XRN1: variants seen among roughly 807,000 people sequenced by gnomAD.
XRN1 encodes 5'-3' exoribonuclease 1.
In XRN1, 67 loss-of-function variants were observed where a neutral mutation model predicts 222.3. The observed-to-expected ratio is 0.30, with a 90% confidence interval of 0.25 to 0.37. XRN1 has a LOEUF of 0.37. Ranked by LOEUF, XRN1 falls within the 10% of genes least tolerant of loss-of-function variation. The pLI is 1.00. For synonymous variants in XRN1, 643 were observed against 652.4 expected (o/e 0.99, Z 0.22); for missense variants, 1,707 against 2,000.2 (o/e 0.85, Z 2.80).
chr3:142,418,079 C>T (rs2068856138), intron 12 of XRN1: 1 of 166,112 alleles, frequency 6.0e-6, no homozygotes, highest in African/African-American at 2.4e-5. Flanking sequence ...TAATAATGTA[C>T]TATAAGCATC....
At chr3:142,427,524 T>G (rs79673056) in intron 2 of XRN1, among the ~76,000 whole-genome samples, 4,539 of 152,292 alleles carry the variant, frequency 0.03, 106 homozygotes, top group Non-Finnish European at 0.043. Context: ...TTTAATGATC[T>G]TAATCATCAT....
At chr3:142,430,803 C>G (rs1325896449) in intron 2 of XRN1, among the ~76,000 whole-genome samples, 1 of 152,210 alleles carries the variant, frequency 6.6e-6, no homozygotes, top group African/African-American at 2.4e-5. Context: ...TACCCATGAA[C>G]CGGGACACAG....
At chr3:142,329,639 T>C in intron 36 of XRN1, 24 bp from the exon 37 acceptor site, 1 of 1,519,912 alleles carries the variant, frequency 6.6e-7, no homozygotes, top group Non-Finnish European at 8.7e-7. Flanking sequence ...GAAAAGAGTC[T>C]ATCTTTATTA....
At chr3:142,336,613 G>A (rs557579330) in intron 33 of XRN1, among the ~76,000 whole-genome samples, 1 of 151,286 alleles carries the variant, frequency 6.6e-6, no homozygotes, top group African/African-American at 2.4e-5. Flanking sequence ...AATAGAGAGA[G>A]AGGAAAAGAG....
intron 39 of XRN1, chr3:142,313,299 T>G (rs1372691742): frequency 9.2e-7 from 1 of 1,085,490 alleles, no homozygotes; most frequent in Non-Finnish European, 1.4e-6. Context: ...GTTTGTTTAT[T>G]AAAAATGTAA....
Position 142,311,246 on chromosome 3 carries a change from T to C in XRN1, c.*265A>G. ...GTCCACTGATACTGTGATATTATTT[T>C]AATGCAAGGTTTAATTTAGTTTTTT... On this transcript the variant is annotated 3_prime_UTR_variant, in exon 41 of 41. Coordinates refer to ENST00000392981, the MANE Select transcript of XRN1 (RefSeq NM_001282857.2). 3.8e-6 allele frequency: 1 copy of C among 261,726 alleles called. No homozygotes were observed. The allele number at this position is 261,726 out of a possible 1,614,324, so 16.2% of individuals were successfully genotyped here. A position where few individuals can be genotyped will look rare whatever the true frequency, so the allele number is the denominator to read the frequency against.
In XRN1 at chr3:142,318,708, T is replaced by TA. The variant is rs771823041; in HGVS notation, c.4519-15dup. 1 of 1,610,286 alleles carries TA rather than the reference T, an allele frequency of 6.2e-7. No individual in the cohort carries two copies. The highest frequency in any genetic ancestry group is 1.3e-5 in the African/African-American group (1 of 75,018). On this transcript the variant is annotated splice_polypyrimidine_tract_variant and intron_variant, in intron 38 of 40. Transcript: ENST00000392981. ...GCCTAAGGAGCCCTGTGGAAGTATTTAAAAGTTACAAGACAATGCAATACA... is the reference window on the plus strand; with the variant it reads ...GCCTAAGGAGCCCTGTGGAAGTATTTAAAAAGTTACAAGACAATGCAATACA...
chr3:142,424,466 C>T (rs1559873023), intron 5 of XRN1, among the ~76,000 whole-genome samples: 1 of 152,164 alleles, frequency 6.6e-6, no homozygotes, highest in Non-Finnish European at 1.5e-5. Flanking sequence ...ACGCCATGTA[C>T]TTGCATACTG....
Position 142,329,462 on chromosome 3 carries a change from G to A in XRN1, c.4376C>T (p.Pro1459Leu), listed in dbSNP as rs886859648. The A allele has an allele frequency of 6.9e-6, 11 of 1,589,752 alleles. No individual in the cohort carries two copies. Among genetic ancestry groups the A allele is most frequent in the Non-Finnish European group, 9.4e-6 (11 of 1,171,344 alleles). ...RICSLVGMPQPDFSFLRMPQT... is the reference protein window; with the variant it reads ...RICSLVGMPQLDFSFLRMPQT... ...TGGCATCCTAAGAAAGGAGAAATCAGGTTGTGGCATTCCAACAAGGGAACA... is the reference window on the plus strand; with the variant it reads ...TGGCATCCTAAGAAAGGAGAAATCAAGTTGTGGCATTCCAACAAGGGAACA... The change falls in exon 37 of 41, where the codon CCT (proline) becomes CTT (leucine). Residue 1459 changes from proline to leucine, a missense_variant. Around this residue, in one of 2 missense-constraint regions of XRN1, gnomAD observed 473 missense variants for 482.0 expected, o/e 0.98. Coordinates refer to ENST00000392981, the MANE Select transcript of XRN1 (RefSeq NM_001282857.2).
intron 2 of XRN1, among the ~76,000 whole-genome samples, chr3:142,431,935 GTATATATTATATAATATAT>G (rs1559879996): frequency 3.0e-5 from 2 of 66,002 alleles, no homozygotes; most frequent in African/African-American, 6.0e-5. Flanking sequence ...ATAATATATT[GTATATATTATATAATATAT>G]TATATATAAT....
intron 1 of XRN1, among the ~76,000 whole-genome samples, chr3:142,441,191 C>G (rs1326987313): frequency 1.3e-5 from 2 of 152,222 alleles, no homozygotes; most frequent in Non-Finnish European, 2.9e-5. Flanking sequence ...ACTGCTTATC[C>G]TCATCCCCAA....
chr3:142,312,818 T>C lies in XRN1; in HGVS notation c.4622-60A>G. On this transcript the variant is annotated intron_variant, in intron 39 of 40. Transcript: ENST00000392981. ...AAATGGTATCATCAAAGCTCTGAAA[T>C]TTGAGACCTCCTTCTGCTAGCCTTT... 6.6e-6 allele frequency: 10 copies of C among 1,520,998 alleles called. No homozygotes were observed. The East Asian group carries it at 2.0e-4, about 31-fold the overall frequency. 94.2% of individuals were successfully genotyped at this position (1,520,998 alleles called of 1,614,324 possible). A position where few individuals can be genotyped will look rare whatever the true frequency, so the allele number is the denominator to read the frequency against.
intron 33 of XRN1, among the ~76,000 whole-genome samples, chr3:142,344,358 C>T (rs1453362390): frequency 6.6e-6 from 1 of 151,984 alleles, no homozygotes; most frequent in Admixed American, 6.6e-5. Flanking sequence ...TATATACCTA[C>T]TATGTATCCA....
At chr3:142,412,788 T>C (rs1424100333) in intron 14 of XRN1, 125 bp from the exon 15 acceptor site, 6 of 744,878 alleles carry the variant, frequency 8.1e-6, no homozygotes. Flanking sequence ...ACTAAATTTT[T>C]GTACCTTTGA....
intron 26 of XRN1, among the ~76,000 whole-genome samples, 190 bp downstream of exon 26, chr3:142,371,049 T>C (rs993682954): frequency 1.3e-5 from 2 of 151,750 alleles, no homozygotes; most frequent in African/African-American, 4.8e-5. Context: ...GGTAGGAGGA[T>C]TGTTTGAGTC....
At chr3:142,359,590 A>G (rs1242827357) in intron 30 of XRN1, among the ~76,000 whole-genome samples, 2 of 152,080 alleles carry the variant, frequency 1.3e-5, no homozygotes, top group Admixed American at 6.5e-5. Flanking sequence ...GATGGGTCAT[A>G]CTCTTTATAA....
In XRN1 at chr3:142,308,203, T is replaced by C. The variant is rs373473970; in HGVS notation, c.*3308A>G. 2.0e-5 allele frequency: 3 copies of C among 152,204 alleles called. No homozygotes were observed. The highest frequency in any genetic ancestry group is 4.4e-5 in the Non-Finnish European group (3 of 68,042). The allele number at this position is 152,204 out of a possible 1,614,324, so 9.4% of individuals were successfully genotyped here. ...TAAAAAAGACCTTACAGTTTATCTA[T>C]TTCCTTGTGCTAGAAAGATACGGTA... On this transcript the variant is annotated 3_prime_UTR_variant, in exon 41 of 41. Coordinates refer to ENST00000392981, the MANE Select transcript of XRN1 (RefSeq NM_001282857.2).
chr3:142,431,311 G>C (rs1383944690), intron 2 of XRN1, among the ~76,000 whole-genome samples: 1 of 152,076 alleles, frequency 6.6e-6, no homozygotes, highest in Non-Finnish European at 1.5e-5. Flanking sequence ...CTGTAGCTTG[G>C]GAACTAACAG....
chr3:142,384,467 G>A, intron 21 of XRN1, 56 bp downstream of exon 21: 1 of 1,359,680 alleles, frequency 7.4e-7, no homozygotes, highest in Non-Finnish European at 1.0e-6. Flanking sequence ...ATTATACAGT[G>A]AATAGTGTAT....
Sources: gnomAD v4.1 joint callset for allele counts (sites outside exome capture counted in the v4.1 genomes callset) on GRCh38, gnomAD v4.1.1 for gene constraint, gnomAD v4.1.1 regional missense constraint, MANE v1.5 for transcripts, NCBI Gene and HGNC (gene_info 2026-07-23, HGNC 2026-07-21) for gene names.